Variants in ADGRB3 observed in about 807,000 individuals in gnomAD.
ADGRB3 encodes adhesion G protein-coupled receptor B3.
In ADGRB3, 37 loss-of-function variants were observed where a neutral mutation model predicts 193.4. The observed-to-expected ratio is 0.19, with a 90% CI of 0.15 to 0.25. The LOEUF (loss-of-function observed/expected upper bound fraction) is 0.25. Ranked by LOEUF, ADGRB3 falls within the 10% of genes least tolerant of loss-of-function variation. The probability of loss-of-function intolerance (pLI) is 1.00; values close to 1 mark genes in which losing one functional copy is unlikely to be tolerated. For synonymous variants in ADGRB3, 690 were observed against 644.2 expected, an observed-to-expected ratio of 1.07 and a Z score of -1.08; for missense variants, 1,637 against 1,852.9, an observed-to-expected ratio of 0.88 and a Z score of 2.14.
chr6:69,049,487 T>C (rs1244389734), intron 15 of ADGRB3, 141 bp downstream of exon 15: 6 of 597,230 alleles, frequency 1.0e-5, no homozygotes, highest in Non-Finnish European at 1.7e-5. Context: ...ACAAATTTAA[T>C]GAACAGGCTA....
intron 3 of ADGRB3, among the ~76,000 whole-genome samples, chr6:68,881,062 A>G (rs1198321459): frequency 2.6e-5 from 4 of 152,134 alleles, no homozygotes; most frequent in African/African-American, 9.7e-5. Context: ...TTTGCCAGGT[A>G]AGTACTATGC....
At chr6:68,646,798 T>G (rs1768226733) in intron 3 of ADGRB3, among the ~76,000 whole-genome samples, 1 of 152,218 alleles carries the variant, frequency 6.6e-6, no homozygotes, top group Admixed American at 6.5e-5. Context: ...CTTTTAATTG[T>G]GTAAGAGTGT....
chr6:68,921,678 C>T (rs1422788809), intron 3 of ADGRB3, among the ~76,000 whole-genome samples: 1 of 151,854 alleles, frequency 6.6e-6, no homozygotes, highest in Admixed American at 6.6e-5. Flanking sequence ...AGTTCAAGTA[C>T]ATTTATATCT....
At chr6:69,124,294 C>T (rs1350508833) in intron 17 of ADGRB3, among the ~76,000 whole-genome samples, 2 of 152,124 alleles carry the variant, frequency 1.3e-5, no homozygotes, top group African/African-American at 4.8e-5. Flanking sequence ...TTTATTATCT[C>T]ATAATTGTTA....
chr6:69,231,555 C>G (rs573158118), intron 17 of ADGRB3, among the ~76,000 whole-genome samples: 2 of 93,204 alleles, frequency 2.1e-5, no homozygotes, highest in South Asian at 5.6e-4. Context: ...TTGGCCTTAA[C>G]TGTTTGTCAC....
At chr6:69,002,891 G>C (rs1769623754) in intron 11 of ADGRB3, among the ~76,000 whole-genome samples, 1 of 152,116 alleles carries the variant, frequency 6.6e-6, no homozygotes, top group Non-Finnish European at 1.5e-5. Context: ...AACCAGAAAG[G>C]CTAATAATTT....
At chr6:68,991,292 G>A (rs548105351) in intron 10 of ADGRB3, among the ~76,000 whole-genome samples, 1 of 152,134 alleles carries the variant, frequency 6.6e-6, no homozygotes, top group South Asian at 2.1e-4. Flanking sequence ...TGTTGAATAA[G>A]GTTCTAGATA....
chr6:69,010,153 G>A (rs1010140352), intron 11 of ADGRB3, among the ~76,000 whole-genome samples: 5 of 152,022 alleles, frequency 3.3e-5, no homozygotes, highest in Non-Finnish European at 7.4e-5. Flanking sequence ...GAATGATCAT[G>A]CCTCTTTGAC....
intron 20 of ADGRB3, among the ~76,000 whole-genome samples, chr6:69,262,296 T>G (rs1166444397): frequency 6.6e-6 from 1 of 152,052 alleles, no homozygotes; most frequent in Non-Finnish European, 1.5e-5. Flanking sequence ...ATATTTCAAT[T>G]TTTGACACCT....
In ADGRB3 at chr6:68,932,700, C is replaced by T. The variant is rs1767374219; in HGVS notation, c.868+2031C>T. On this transcript the variant is annotated intron_variant, in intron 4 of 31. Transcript: ENST00000370598. ...TAAGCTTTACTTATAAAAGTGTTCC[C>T]TGTATTTGTCTTTAAGCCAGAAAAA... is the stretch of plus-strand genomic sequence containing the variant. Among the ~76,000 whole-genome samples, 2 of 151,516 alleles carry T rather than the reference C, an allele frequency of 1.3e-5. 1 individual carries two copies. Among genetic ancestry groups the T allele is most frequent in the South Asian group, 4.2e-4 (2 of 4,806 alleles).
chr6:69,152,514 T>C (rs1774708791), intron 17 of ADGRB3, among the ~76,000 whole-genome samples: 1 of 152,292 alleles, frequency 6.6e-6, no homozygotes, highest in African/African-American at 2.4e-5. Flanking sequence ...GAGCAGGTGG[T>C]TAATTACAGG....
At chr6:68,772,599 C>T (rs1177518155) in intron 3 of ADGRB3, among the ~76,000 whole-genome samples, 1 of 151,820 alleles carries the variant, frequency 6.6e-6, no homozygotes, top group African/African-American at 2.4e-5. Context: ...CTTATTTTGC[C>T]AGTACTCTAA....
In ADGRB3 at chr6:68,807,378, A is replaced by G. The variant is rs1767425634; in HGVS notation, c.758-123181A>G. Among the ~76,000 whole-genome samples the G allele has an allele frequency of 2.0e-5, 3 of 151,442 alleles. No homozygotes were observed. In the South Asian group the frequency reaches 6.2e-4, roughly 32 times the overall value. ...CTCAGCCTCCCGAGTAGCTGGGACT[A>G]CAGGCGCCCCCCACCTTGCCCGGGT... On this transcript the variant is annotated intron_variant, in intron 3 of 31. Coordinates refer to ENST00000370598, the MANE Select transcript of ADGRB3 (RefSeq NM_001704.3).
chr6:68,779,822 G>A (rs1274843429), intron 3 of ADGRB3, among the ~76,000 whole-genome samples: 1 of 152,086 alleles, frequency 6.6e-6, no homozygotes, highest in African/African-American at 2.4e-5. Flanking sequence ...GAAAGAGAGT[G>A]TACTGACTTC....
At chr6:69,218,602 T>C (rs573687613) in intron 17 of ADGRB3, among the ~76,000 whole-genome samples, 305 of 152,288 alleles carry the variant, frequency 2.0e-3, no homozygotes, top group African/African-American at 6.9e-3. Context: ...CCCAGCAGAC[T>C]GAAAAAGTAA....
At chr6:68,758,213 T>C (rs1766333263) in intron 3 of ADGRB3, among the ~76,000 whole-genome samples, 1 of 152,076 alleles carries the variant, frequency 6.6e-6, no homozygotes, top group African/African-American at 2.4e-5. Context: ...ACATTTTTGG[T>C]ACATATGAAG....
chr6:68,805,760 A>T (rs1372251787), intron 3 of ADGRB3, among the ~76,000 whole-genome samples: 5 of 152,232 alleles, frequency 3.3e-5, no homozygotes, highest in Admixed American at 3.3e-4. Context: ...AGGTGTTTAT[A>T]AATGAATGAA....
At chr6:68,922,832 C>T (rs1336234268) in intron 3 of ADGRB3, among the ~76,000 whole-genome samples, 1 of 152,312 alleles carries the variant, frequency 6.6e-6, no homozygotes, top group East Asian at 1.9e-4. Context: ...ATGTAAAGCA[C>T]AGCTTTGAAA....
At chr6:69,324,740 A>T (rs1172563804) in intron 20 of ADGRB3, 132 bp from the exon 21 acceptor site, 6 of 996,292 alleles carry the variant, frequency 6.0e-6, no homozygotes, top group Non-Finnish European at 8.7e-6. Context: ...GTAAATAATT[A>T]CTCTTGTCAC....
Sources: gnomAD v4.1 joint callset for allele counts (sites outside exome capture counted in the v4.1 genomes callset) on GRCh38, gnomAD v4.1.1 for gene constraint, MANE v1.5 for transcripts, NCBI Gene and HGNC (gene_info 2026-07-23, HGNC 2026-07-21) for gene names.